The following DIP2B variants were observed in gnomAD, a reference collection of about 807,000 sequenced individuals.
DIP2B encodes disco-interacting protein 2 homolog B.
A neutral mutation model predicts 198.0 loss-of-function variants in DIP2B; 76 were observed. That is an observed-to-expected ratio of 0.38 (90% CI 0.32 to 0.46). The LOEUF (loss-of-function observed/expected upper bound fraction) is 0.46, where lower values mean the gene tolerates loss of function less well. DIP2B is among the 20% of genes least tolerant of loss of function. The pLI is 0.99. For synonymous variants in DIP2B, 701 were observed against 739.1 expected (o/e 0.95, Z 0.84); for missense variants, 1,559 against 1,978.4 (o/e 0.79, Z 4.02).
chr12:50,611,097 C>T (rs747535380), intron 1 of DIP2B, among the ~76,000 whole-genome samples: 5 of 151,982 alleles, frequency 3.3e-5, no homozygotes, highest in African/African-American at 1.2e-4. Flanking sequence ...CGCGCTTGGC[C>T]GATGTAAATA....
At chr12:50,736,174 CCA>C (rs1350538528) in intron 34 of DIP2B, among the ~76,000 whole-genome samples, 1 of 152,172 alleles carries the variant, frequency 6.6e-6, no homozygotes, top group East Asian at 1.9e-4. Flanking sequence ...GGCGCTTACT[CCA>C]GTCTCACTTT....
At chr12:50,742,394 CAAAAAAAAAAAAAA>C (rs59566626) in intron 37 of DIP2B, among the ~76,000 whole-genome samples, 5 of 47,494 alleles carry the variant, frequency 1.1e-4, no homozygotes, top group Admixed American at 3.2e-4. Flanking sequence ...GAGACTGTCT[CAAAAAAAAAAAAAA>C]AAAAAAAAAA....
chr12:50,665,890 G>A (rs1288100096), intron 4 of DIP2B, among the ~76,000 whole-genome samples: 1 of 152,024 alleles, frequency 6.6e-6, no homozygotes, highest in Admixed American at 6.5e-5. Context: ...AATGGTTATA[G>A]TCCTAAATAT....
At chr12:50,533,259 A>G (rs1017174273) in intron 1 of DIP2B, among the ~76,000 whole-genome samples, 1 of 152,220 alleles carries the variant, frequency 6.6e-6, no homozygotes, top group East Asian at 1.9e-4. Flanking sequence ...CATATTTCTC[A>G]TGACCTTTCT....
chr12:50,692,911 A>C (rs1308072168), intron 13 of DIP2B, 38 bp from the exon 14 acceptor site: 1 of 1,578,380 alleles, frequency 6.3e-7, no homozygotes, highest in African/African-American at 1.4e-5. Flanking sequence ...CTTAATACTA[A>C]AGATGATTTC....
intron 1 of DIP2B, among the ~76,000 whole-genome samples, chr12:50,549,171 A>T (rs891216697): frequency 5.3e-5 from 7 of 131,452 alleles, no homozygotes; most frequent in South Asian, 2.5e-4. Flanking sequence ...GGGCTGGTTT[A>T]AAAAAAAAAA....
chr12:50,522,413 A>G (rs935783119), intron 1 of DIP2B, among the ~76,000 whole-genome samples: 2 of 152,216 alleles, frequency 1.3e-5, no homozygotes, highest in African/African-American at 4.8e-5. Flanking sequence ...AGCTCAGGGT[A>G]CAAGACGGGA....
intron 4 of DIP2B, among the ~76,000 whole-genome samples, chr12:50,666,838 G>A (rs527371066): frequency 3.2e-4 from 48 of 152,010 alleles, no homozygotes; most frequent in African/African-American, 1.1e-3. Context: ...TGGCTAACAC[G>A]CTGAAACCTT....
At chr12:50,723,389 C>A (rs578210540) in intron 27 of DIP2B, 66 bp downstream of exon 27, 13 of 1,582,296 alleles carry the variant, frequency 8.2e-6, no homozygotes, top group Non-Finnish European at 1.0e-5. Flanking sequence ...AACTAAGGAT[C>A]CTTACTAATT....
chr12:50,529,030 A>G (rs1034564334), intron 1 of DIP2B, among the ~76,000 whole-genome samples: 1 of 152,214 alleles, frequency 6.6e-6, no homozygotes, highest in Non-Finnish European at 1.5e-5. Context: ...TTCAAAAACA[A>G]AACAAAACAA....
intron 4 of DIP2B, 28 bp downstream of exon 4, chr12:50,660,347 G>T: frequency 6.3e-7 from 1 of 1,585,794 alleles, no homozygotes; most frequent in South Asian, 1.2e-5. Context: ...TTTTCTCTCT[G>T]ACAGTTAATA....
intron 5 of DIP2B, among the ~76,000 whole-genome samples, chr12:50,671,834 T>C (rs2684908): frequency 0.59 from 90,393 of 152,094 alleles, 27,842 homozygotes; most frequent in Non-Finnish European, 0.69. Flanking sequence ...TGAGGACTTT[T>C]GTCTTGACTG....
chr12:50,559,066 C>T (rs1443183796), intron 1 of DIP2B, among the ~76,000 whole-genome samples: 1 of 152,092 alleles, frequency 6.6e-6, no homozygotes, highest in African/African-American at 2.4e-5. Context: ...TCAAGCTCTT[C>T]CAATTTGTAT....
chr12:50,704,030 C>T, intron 19 of DIP2B, 110 bp from the exon 20 acceptor site: 3 of 826,966 alleles, frequency 3.6e-6, no homozygotes, highest in Non-Finnish European at 5.7e-6. Context: ...ACTGGATTCA[C>T]TATTACATTA....
chr12:50,721,193 A>G, intron 25 of DIP2B, 80 bp from the exon 26 acceptor site: 2 of 1,534,260 alleles, frequency 1.3e-6, no homozygotes, highest in Admixed American at 2.0e-5. Context: ...CCTTTCAGGT[A>G]TGATGTTGAA....
chr12:50,710,260 A>G (rs1379546273), intron 22 of DIP2B, among the ~76,000 whole-genome samples: 1 of 152,148 alleles, frequency 6.6e-6, no homozygotes, highest in Non-Finnish European at 1.5e-5. Flanking sequence ...GGATGGTCCA[A>G]AGAAAGTGTG....
intron 13 of DIP2B, among the ~76,000 whole-genome samples, chr12:50,692,070 AAT>A (rs904811313): frequency 4.6e-5 from 7 of 150,980 alleles, no homozygotes; most frequent in African/African-American, 4.9e-5. Context: ...GTCTCAAAAA[AAT>A]ATATATATAT....
At chr12:50,624,259 G>T (rs1937887839) in intron 1 of DIP2B, among the ~76,000 whole-genome samples, 1 of 152,102 alleles carries the variant, frequency 6.6e-6, no homozygotes, top group Admixed American at 6.6e-5. Flanking sequence ...CCACAGGCCT[G>T]TCCTAAGCTT....
chr12:50,555,898 T>C (rs1958466374), intron 1 of DIP2B, among the ~76,000 whole-genome samples: 1 of 152,170 alleles, frequency 6.6e-6, no homozygotes, highest in Non-Finnish European at 1.5e-5. Context: ...TATCAAAGGA[T>C]AGCCTGGCCA....
Sources: allele counts gnomAD v4.1 joint callset (sites outside exome capture counted in the v4.1 genomes callset), GRCh38; gene constraint gnomAD v4.1.1; transcripts MANE v1.5; gene names NCBI Gene and HGNC (gene_info 2026-07-23, HGNC 2026-07-21).